CRTAC1: variants seen among roughly 807,000 people sequenced by gnomAD.
CRTAC1 encodes the protein acidic secreted protein in cartilage.
A neutral mutation model predicts 67.8 loss-of-function variants in CRTAC1; 37 were observed. The ratio of observed to expected loss-of-function variants is 0.55; its 90% confidence interval spans 0.42 to 0.72. The LOEUF (loss-of-function observed/expected upper bound fraction) is 0.72, where lower values mean the gene tolerates loss of function less well. Among genes scored for constraint, CRTAC1 ranks in the 30% least tolerant of loss-of-function variants. The probability of loss-of-function intolerance (pLI) is 0.00; values close to 1 mark genes in which losing one functional copy is unlikely to be tolerated. For missense variants in CRTAC1, 780 were observed against 931.6 expected (o/e 0.84, Z 2.12); for synonymous variants, 348 against 371.0 (o/e 0.94, Z 0.71).
intron 2 of CRTAC1, among the ~76,000 whole-genome samples, chr10:97,988,594 C>A (rs750048158): frequency 1.3e-4 from 20 of 152,150 alleles, no homozygotes; most frequent in Non-Finnish European, 2.8e-4. Context: ...GCAGCATGTG[C>A]CTGTAATCCC....
intron 9 of CRTAC1, 69 bp downstream of exon 9, chr10:97,896,840 C>CCCCCCAACCCCCCGGT: frequency 1.4e-6 from 1 of 730,590 alleles, no homozygotes; most frequent in Non-Finnish European, 2.3e-6. Context: ...CCGTCCCTCC[C>CCCCCCAACCCCCCGGT]GCCCTCACCC....
intron 2 of CRTAC1, among the ~76,000 whole-genome samples, chr10:97,964,675 A>T (rs1302210275): frequency 2.0e-5 from 3 of 152,210 alleles, no homozygotes; most frequent in African/African-American, 7.2e-5. Context: ...TTAACGCTGA[A>T]TGTATTCGCC....
chr10:97,997,407 A>G (rs1396027562), intron 2 of CRTAC1, among the ~76,000 whole-genome samples: 4 of 145,038 alleles, frequency 2.8e-5, no homozygotes, highest in Admixed American at 7.0e-5. Context: ...GAGCCGAGAT[A>G]CTGCCACTGC....
chr10:97,880,320 C>T lies in CRTAC1; in HGVS notation c.1748G>A (p.Ser583Asn). ...DKPVCVNTYG[S>N]YRCRTNKKCS... Reference sequence around the variant, plus strand: ...CTTCTTGTTGGTCCGGCACCTGTAGCTTCCATAGGTGTTGACACATACGGG... The same window carrying T: ...CTTCTTGTTGGTCCGGCACCTGTAGTTTCCATAGGTGTTGACACATACGGG... The change falls in exon 14 of 15, where the codon AGC becomes AAC. Residue 583 changes from serine to asparagine, a missense_variant. Coordinates refer to ENST00000370597, the MANE Select transcript of CRTAC1 (RefSeq NM_018058.7). 1 of 1,614,180 alleles carries T rather than the reference C, an allele frequency of 6.2e-7. No homozygotes were observed. The highest frequency in any genetic ancestry group is 8.5e-7 in the Non-Finnish European group (1 of 1,180,004).
intron 12 of CRTAC1, among the ~76,000 whole-genome samples, 187 bp from the exon 13 acceptor site, chr10:97,883,015 G>C (rs1411808779): frequency 6.6e-6 from 1 of 152,244 alleles, no homozygotes; most frequent in Non-Finnish European, 1.5e-5. Flanking sequence ...GAAGGCTGGC[G>C]GGAAGGCCAT....
At chr10:98,026,644 C>T (rs76936434) in intron 1 of CRTAC1, among the ~76,000 whole-genome samples, 5,224 of 152,226 alleles carry the variant, frequency 0.034, 313 homozygotes, top group African/African-American at 0.12. Context: ...CCTCCTCCCG[C>T]TGAAGATGAA....
chr10:98,006,255 GCTTT>G (rs1376728955), intron 2 of CRTAC1, among the ~76,000 whole-genome samples: 1 of 152,214 alleles, frequency 6.6e-6, no homozygotes, highest in Non-Finnish European at 1.5e-5. Context: ...AAGCCACTGG[GCTTT>G]CTATTTACTG....
intron 2 of CRTAC1, among the ~76,000 whole-genome samples, chr10:97,995,848 T>TCCTAGGGCC (rs1190725831): frequency 9.2e-5 from 14 of 152,114 alleles, no homozygotes; most frequent in Non-Finnish European, 5.9e-5. Flanking sequence ...TAGAGGTGGA[T>TCCTAGGGCC]ACAAATCCTC....
chr10:97,879,750 T>G, intron 14 of CRTAC1: 1 of 1,547,048 alleles, frequency 6.5e-7, no homozygotes, highest in Non-Finnish European at 8.7e-7. Flanking sequence ...AGAGAGAGGC[T>G]CAGAGATTCT....
At chr10:97,907,410 G>T (rs764619585) in intron 6 of CRTAC1, among the ~76,000 whole-genome samples, 10 of 152,136 alleles carry the variant, frequency 6.6e-5, no homozygotes, top group Non-Finnish European at 1.0e-4. Flanking sequence ...GCCCTGAGGT[G>T]GGTGGGGGAT....
chr10:97,870,524 C>T (rs2050081156), intron 14 of CRTAC1: 1 of 152,110 alleles, frequency 6.6e-6, no homozygotes, highest in African/African-American at 2.4e-5. Context: ...GTGCCAGTTA[C>T]ACGGGGTGCT....
At chr10:97,935,798 G>C (rs960248621) in intron 3 of CRTAC1, among the ~76,000 whole-genome samples, 2 of 152,082 alleles carry the variant, frequency 1.3e-5, no homozygotes, top group Admixed American at 6.5e-5. Context: ...TTCCGATCAC[G>C]GCATAACCCA....
chr10:97,967,325 C>A (rs889690430), intron 2 of CRTAC1, among the ~76,000 whole-genome samples: 1 of 152,198 alleles, frequency 6.6e-6, no homozygotes, highest in Non-Finnish European at 1.5e-5. Context: ...CCCATCATGG[C>A]GGCTTTTCAA....
At chr10:97,939,734 C>A (rs559617408) in intron 2 of CRTAC1, among the ~76,000 whole-genome samples, 1 of 152,226 alleles carries the variant, frequency 6.6e-6, no homozygotes, top group Admixed American at 6.5e-5. Context: ...TCTGCCCTTT[C>A]CAGCTCCTGT....
intron 4 of CRTAC1, among the ~76,000 whole-genome samples, chr10:97,922,389 C>T (rs1177273490): frequency 6.6e-6 from 1 of 152,254 alleles, no homozygotes; most frequent in African/African-American, 2.4e-5. Flanking sequence ...TCGGTGCCAT[C>T]TCAATCCCAA....
In CRTAC1 at chr10:98,029,511, C is replaced by CGGT. The variant is rs1399289632; in HGVS notation, c.24+937_24+938insACC. ...GCAGCAGCGGCGGCGGCGGCGGCGG[C>CGGT]GGCGGCGGCGGCGGCGGCAGCAGCA... On this transcript the variant is annotated intron_variant, in intron 1 of 14. Transcript: ENST00000370597. The surrounding 1 kb of genome is among the most constrained non-coding windows in gnomAD (Gnocchi z 4.7). 6.8e-6 allele frequency among the ~76,000 whole-genome samples: 1 copy of CGGT among 148,020 alleles called. No homozygotes were observed. The highest frequency in any genetic ancestry group is 1.5e-5 in the Non-Finnish European group (1 of 67,726).
intron 14 of CRTAC1, among the ~76,000 whole-genome samples, chr10:97,873,745 TC>T (rs1203831407): frequency 6.6e-6 from 1 of 152,176 alleles, no homozygotes; most frequent in East Asian, 1.9e-4. Flanking sequence ...CAGACTGCTT[TC>T]CTGCTGGCAG....
intron 13 of CRTAC1, 21 bp from the exon 14 acceptor site, chr10:97,880,413 C>A (rs745460838): frequency 6.2e-7 from 1 of 1,610,154 alleles, no homozygotes; most frequent in Non-Finnish European, 8.5e-7. Context: ...AGGGGAACCA[C>A]TCACCATGAA....
intron 8 of CRTAC1, among the ~76,000 whole-genome samples, chr10:97,899,088 G>A (rs1000844742): frequency 2.6e-5 from 4 of 152,194 alleles, no homozygotes; most frequent in African/African-American, 9.7e-5. Flanking sequence ...AGCCCACAGT[G>A]CCTGTTCAGT....
Sources: gnomAD v4.1 joint callset for allele counts (sites outside exome capture counted in the v4.1 genomes callset) on GRCh38, gnomAD v4.1.1 for gene constraint, Gnocchi (gnomAD v3.1) non-coding constraint, MANE v1.5 for transcripts, NCBI Gene and HGNC (gene_info 2026-07-23, HGNC 2026-07-21) for gene names.